Variants in FXYD6 observed in about 807,000 individuals in gnomAD.
FXYD6 encodes the protein FXYD domain-containing ion transport regulator 6.
FXYD6 carries 7 observed loss-of-function variants against 16.7 expected under a neutral mutation model. The ratio of observed to expected loss-of-function variants is 0.42; its 90% CI spans 0.24 to 0.79. FXYD6 has a LOEUF of 0.79. Among genes scored for constraint, FXYD6 ranks in the 30% least tolerant of loss-of-function variants. FXYD6 has a pLI of 0.28. For missense variants in FXYD6, 111 were observed against 116.2 expected, an observed-to-expected ratio of 0.95 and a Z score of 0.21; for synonymous variants, 49 against 43.0, an observed-to-expected ratio of 1.14 and a Z score of -0.54.
At chr11:117,838,382 G>A in intron 7 of FXYD6, 105 bp from the exon 8 acceptor site, 1 of 693,170 alleles carries the variant, frequency 1.4e-6, no homozygotes, top group Non-Finnish European at 2.6e-6. Flanking sequence ...TTCCCGGTAT[G>A]ACAGCCTCGT....
chr11:117,854,197 C>T (rs934846266), intron 1 of FXYD6, among the ~76,000 whole-genome samples: 8 of 152,120 alleles, frequency 5.3e-5, no homozygotes, highest in Non-Finnish European at 1.0e-4. Context: ...CACATTAAGG[C>T]CTTCAAATCT....
intron 6 of FXYD6, 46 bp from the exon 7 acceptor site, chr11:117,839,876 C>G (rs749507642): frequency 6.2e-7 from 1 of 1,613,006 alleles, no homozygotes; most frequent in South Asian, 1.1e-5. Flanking sequence ...ACTCCTCACC[C>G]CCGTGGGCCA....
intron 1 of FXYD6, among the ~76,000 whole-genome samples, chr11:117,855,368 C>T (rs2056701363): frequency 6.6e-6 from 1 of 152,180 alleles, no homozygotes; most frequent in South Asian, 2.1e-4. Context: ...GGCCTAAACC[C>T]ATTTTTAAAA....
At chr11:117,854,348 G>C (rs950153167) in intron 1 of FXYD6, among the ~76,000 whole-genome samples, 1 of 152,296 alleles carries the variant, frequency 6.6e-6, no homozygotes, top group African/African-American at 2.4e-5. Context: ...TGCCCCCTGG[G>C]AATAGGGAAA....
At chr11:117,843,213 G>GC (rs2056397567) in intron 1 of FXYD6, among the ~76,000 whole-genome samples, 1 of 152,202 alleles carries the variant, frequency 6.6e-6, no homozygotes, top group Non-Finnish European at 1.5e-5. Context: ...GGGATTATAG[G>GC]CGTGAGCCAC....
chr11:117,858,113 CACCCCACCCCA>C (rs984754792), intron 1 of FXYD6: 20 of 152,408 alleles, frequency 1.3e-4, no homozygotes, highest in Admixed American at 1.2e-3. Context: ...TCTTCCTTGG[CACCCCACCCCA>C]GCCCCACTCC....
intron 1 of FXYD6, among the ~76,000 whole-genome samples, chr11:117,858,703 C>CTTTCTTTT (rs72107481): frequency 7.3e-5 from 7 of 95,490 alleles, no homozygotes; most frequent in African/African-American, 2.5e-4. Flanking sequence ...TTCTTTCTTT[C>CTTTCTTTT]TCTCTCTCTC....
chr11:117,840,508 G>T, intron 5 of FXYD6, 140 bp from the exon 6 acceptor site: 1 of 1,114,946 alleles, frequency 9.0e-7, no homozygotes, highest in Non-Finnish European at 1.3e-6. Flanking sequence ...TCACTCTGCT[G>T]TGGGATGCAT....
chr11:117,842,001 G>A lies in FXYD6; in HGVS notation c.86C>T (p.Pro29Leu). Residue 29 changes from proline (P) to leucine (L), a missense_variant, in exon 3 of 8, where the codon CCT (proline) becomes CTT (leucine). Physicochemically the swap from Pro to Leu is moderately conservative, Grantham distance 98. Coordinates refer to ENST00000526014, the MANE Select transcript of FXYD6 (RefSeq NM_022003.4). ...SAAEKEKEMD[P>L]FHYDYQTLRI... ...TTGCCATCGCTCACCATAATGAAAA[G>A]GGTCCATTTCCTTCTCCTTTTCAGC... 6.2e-7 allele frequency: 1 copy of A among 1,614,156 alleles called. No individual in the cohort carries two copies. The highest frequency in any genetic ancestry group is 8.5e-7 in the Non-Finnish European group (1 of 1,180,036).
chr11:117,853,340 T>C (rs540013586), intron 1 of FXYD6, among the ~76,000 whole-genome samples: 2 of 152,366 alleles, frequency 1.3e-5, no homozygotes, highest in South Asian at 2.1e-4. Context: ...TCAAGGGTTC[T>C]TGGCTTCATG....
In FXYD6 at chr11:117,851,009, T is replaced by C. The variant is rs149743705; in HGVS notation, c.-5-8228A>G. On this transcript the variant is annotated intron_variant, in intron 1 of 7. Coordinates refer to ENST00000526014, the MANE Select transcript of FXYD6 (RefSeq NM_022003.4). ...CAAATCATCCCCTTCCTGATACATATGCTATTATTGGAGAATATTTCAGTT... is the reference window on the plus strand; with the variant it reads ...CAAATCATCCCCTTCCTGATACATACGCTATTATTGGAGAATATTTCAGTT... 6.2e-3 allele frequency among the ~76,000 whole-genome samples: 940 copies of C among 152,322 alleles called. 9 individuals are homozygous for C. Among genetic ancestry groups the C allele is most frequent in the African/African-American group, 0.022 (901 of 41,556 alleles).
intron 1 of FXYD6, among the ~76,000 whole-genome samples, chr11:117,875,913 G>C (rs1178657773): frequency 6.6e-6 from 1 of 152,188 alleles, no homozygotes; most frequent in Non-Finnish European, 1.5e-5. Context: ...AGACACAATA[G>C]GGGAGGCTCT....
In FXYD6 at chr11:117,851,245, G is replaced by A. The variant is rs146275930; in HGVS notation, c.-5-8464C>T. Among the ~76,000 whole-genome samples the A allele has an allele frequency of 6.1e-3, 928 of 151,912 alleles. 9 individuals carry two copies. The highest frequency in any genetic ancestry group is 0.022 in the African/African-American group (898 of 41,480). ...GCAGAAGTAATGGTATGTCACTTTC[G>A]ATATGAGGTTATAAAAAGCAACACA... On this transcript the variant is annotated intron_variant, in intron 1 of 7. Transcript: ENST00000526014.
chr11:117,839,210 A>G (rs1221165871), intron 7 of FXYD6: 1 of 152,708 alleles, frequency 6.5e-6, no homozygotes, highest in Non-Finnish European at 1.5e-5. Context: ...GACTCGAGTG[A>G]GTCTGTGTGT....
intron 1 of FXYD6, among the ~76,000 whole-genome samples, chr11:117,850,906 A>G (rs2134158801): frequency 6.6e-6 from 1 of 152,296 alleles, no homozygotes; most frequent in East Asian, 1.9e-4. Flanking sequence ...TATTCAATGT[A>G]AAAAAGACCA....
At chr11:117,857,793 C>T (rs961067299) in intron 1 of FXYD6, among the ~76,000 whole-genome samples, 2 of 152,132 alleles carry the variant, frequency 1.3e-5, no homozygotes, top group African/African-American at 4.8e-5. Context: ...TCTATTCGTG[C>T]TAAGCAAGAC....
intron 1 of FXYD6, among the ~76,000 whole-genome samples, chr11:117,847,380 ATTCT>A (rs1225829732): frequency 6.6e-6 from 1 of 150,922 alleles, no homozygotes; most frequent in Non-Finnish European, 1.5e-5. Flanking sequence ...TTATTTTATT[ATTCT>A]TTAAGTTTTA....
In FXYD6 at chr11:117,838,545, A is replaced by T. The variant is rs2056252774; in HGVS notation, c.*22-268T>A. ...TGCTCACAGTCCTGAGCCTTAGGAT[A>T]AAAGGTTTCTGAGAAAGAACTAGTT... is the stretch of plus-strand genomic sequence containing the variant. On this transcript the variant is annotated intron_variant, in intron 7 of 7. Transcript: ENST00000526014. 6.3e-6 allele frequency: 3 copies of T among 476,732 alleles called. No homozygotes were observed. The Admixed American group carries it at 1.0e-4, about 16-fold the overall frequency. 29.5% of individuals were successfully genotyped at this position (476,732 alleles called of 1,614,324 possible). A position where few individuals can be genotyped will look rare whatever the true frequency, so the allele number is the denominator to read the frequency against.
At chr11:117,857,301 G>A (rs776094048) in intron 1 of FXYD6, among the ~76,000 whole-genome samples, 9 of 152,192 alleles carry the variant, frequency 5.9e-5, no homozygotes, top group Non-Finnish European at 1.2e-4. Flanking sequence ...GGTGAGTTTA[G>A]TGCAGGTGGC....
Sources: allele counts gnomAD v4.1 joint callset (sites outside exome capture counted in the v4.1 genomes callset), GRCh38; gene constraint gnomAD v4.1.1; transcripts MANE v1.5; gene names NCBI Gene and HGNC (gene_info 2026-07-23, HGNC 2026-07-21).